ARB2A: variants seen among roughly 807,000 people sequenced by gnomAD.
ARB2A encodes the protein cotranscriptional regulator ARB2A.
At chr5:94,086,649 T>A in the ARB2A span, among the ~76,000 whole-genome samples, 1 of 152,188 alleles carries the variant, frequency 6.6e-6, no homozygotes, top group African/African-American at 2.4e-5. Flanking sequence ...GCCTCCTGGA[T>A]TCAAGCGATT....
chr5:93,930,497 G>A, the ARB2A span, among the ~76,000 whole-genome samples: 1 of 152,092 alleles, frequency 6.6e-6, no homozygotes, highest in South Asian at 2.1e-4. Context: ...TACTCTTACA[G>A]AAATCATATT....
the ARB2A span, among the ~76,000 whole-genome samples, chr5:93,756,507 G>A: frequency 6.6e-6 from 1 of 152,246 alleles, no homozygotes; most frequent in South Asian, 2.1e-4. Context: ...AACAGGCGTT[G>A]GTATCCACGC....
At chr5:94,003,983 TGACA>T in the ARB2A span, among the ~76,000 whole-genome samples, 1 of 152,208 alleles carries the variant, frequency 6.6e-6, no homozygotes, top group Non-Finnish European at 1.5e-5. Flanking sequence ...ACTGGTAGAA[TGACA>T]GACATATAGA....
At chr5:94,103,808 A>C in the ARB2A span, among the ~76,000 whole-genome samples, 19 of 151,912 alleles carry the variant, frequency 1.3e-4, no homozygotes, top group Non-Finnish European at 1.9e-4. Flanking sequence ...AAAAAAAAAA[A>C]AAAAACTGAA....
chr5:94,076,372 T>C, the ARB2A span, among the ~76,000 whole-genome samples: 2 of 152,210 alleles, frequency 1.3e-5, no homozygotes, highest in African/African-American at 4.8e-5. Flanking sequence ...CTCAAAACTC[T>C]ATAATTTCTA....
the ARB2A span, among the ~76,000 whole-genome samples, chr5:93,630,601 G>T: frequency 2.0e-5 from 3 of 152,126 alleles, no homozygotes; most frequent in African/African-American, 7.2e-5. Context: ...AAGCGTGGGG[G>T]TGGTACAAGA....
At chr5:94,041,078 C>A in the ARB2A span, among the ~76,000 whole-genome samples, 1 of 151,856 alleles carries the variant, frequency 6.6e-6, no homozygotes, top group African/African-American at 2.4e-5. Context: ...GACTTCTGGC[C>A]TCTCTGTCTC....
At chr5:93,767,651 C>G in the ARB2A span, among the ~76,000 whole-genome samples, 1 of 151,880 alleles carries the variant, frequency 6.6e-6, no homozygotes, top group African/African-American at 2.4e-5. Flanking sequence ...AGTTAAGAAA[C>G]TGTGGTGTGT....
At chr5:94,061,213 G>C in the ARB2A span, among the ~76,000 whole-genome samples, 1 of 152,036 alleles carries the variant, frequency 6.6e-6, no homozygotes, top group Non-Finnish European at 1.5e-5. Context: ...ACTCCAGCCT[G>C]GGCGACAGAG....
the ARB2A span, among the ~76,000 whole-genome samples, chr5:93,676,282 C>T: frequency 6.6e-6 from 1 of 151,642 alleles, no homozygotes; most frequent in African/African-American, 2.4e-5. Context: ...CACCTGTTCC[C>T]CTGAAGACAT....
chr5:94,040,361 T>A, the ARB2A span, among the ~76,000 whole-genome samples: 1 of 152,118 alleles, frequency 6.6e-6, no homozygotes, highest in Non-Finnish European at 1.5e-5. Context: ...AACTTTTTTT[T>A]TTTTAATTAT....
the ARB2A span, among the ~76,000 whole-genome samples, chr5:93,743,735 C>T: frequency 4.7e-5 from 7 of 149,542 alleles, no homozygotes; most frequent in Middle Eastern, 3.5e-3. Flanking sequence ...GGCGTGATCT[C>T]GGCTCACTGC....
chr5:93,783,975 C>T, the ARB2A span, among the ~76,000 whole-genome samples: 2 of 152,164 alleles, frequency 1.3e-5, no homozygotes, highest in Admixed American at 6.5e-5. Flanking sequence ...GTGGCACATA[C>T]TGACTGCCTT....
the ARB2A span, among the ~76,000 whole-genome samples, chr5:93,639,205 C>T: frequency 2.6e-5 from 4 of 152,124 alleles, no homozygotes. Context: ...AGGTAATGTC[C>T]TTCGGTTGCT....
At chr5:93,898,153 G>T in the ARB2A span, among the ~76,000 whole-genome samples, 1 of 151,958 alleles carries the variant, frequency 6.6e-6, no homozygotes, top group African/African-American at 2.4e-5. Context: ...TCCAAAATGA[G>T]ACATACGATT....
the ARB2A span, among the ~76,000 whole-genome samples, chr5:93,712,106 T>C: frequency 6.6e-6 from 1 of 152,202 alleles, no homozygotes; most frequent in Non-Finnish European, 1.5e-5. Context: ...AAACTTTGAA[T>C]AGGCTCTGTA....
At chr5:93,890,224 A>G in the ARB2A span, among the ~76,000 whole-genome samples, 8 of 151,954 alleles carry the variant, frequency 5.3e-5, no homozygotes, top group African/African-American at 1.7e-4. Context: ...TAGTTTAAAA[A>G]CAAATGGGAT....
At chr5:93,815,019 T>G in the ARB2A span, among the ~76,000 whole-genome samples, 1 of 151,650 alleles carries the variant, frequency 6.6e-6, no homozygotes, top group Admixed American at 6.6e-5. Flanking sequence ...TTTAAAAAAA[T>G]TTTTGTACAA....
At chr5:93,892,476 C>A in the ARB2A span, among the ~76,000 whole-genome samples, 1 of 152,084 alleles carries the variant, frequency 6.6e-6, no homozygotes, top group Non-Finnish European at 1.5e-5. Context: ...AATACAATTT[C>A]TTTTTATAAG....
Sources: gnomAD v4.1 joint callset for allele counts (sites outside exome capture counted in the v4.1 genomes callset) on GRCh38, gnomAD v4.1.1 for gene constraint, MANE v1.5 for transcripts, NCBI Gene and HGNC (gene_info 2026-07-23, HGNC 2026-07-21) for gene names.